Variants in MEF2C observed in about 807,000 individuals in gnomAD.
The protein encoded by MEF2C is myocyte-specific enhancer factor 2C.
A neutral mutation model predicts 50.5 loss-of-function variants in MEF2C; 6 were observed. That is an observed-to-expected ratio of 0.12 (90% CI 0.07 to 0.23). The LOEUF (loss-of-function observed/expected upper bound fraction) is 0.23, where lower values mean the gene tolerates loss of function less well. MEF2C is among the 10% of genes least tolerant of loss of function. The pLI is 1.00. For missense variants in MEF2C, 276 were observed against 605.0 expected, an observed-to-expected ratio of 0.46 and a Z score of 5.70; for synonymous variants, 183 against 228.0, an observed-to-expected ratio of 0.80 and a Z score of 1.78.
chr5:88,829,961 G>A (rs1051042148), intron 1 of MEF2C, among the ~76,000 whole-genome samples: 2 of 151,946 alleles, frequency 1.3e-5, no homozygotes, highest in African/African-American at 4.8e-5. Flanking sequence ...GATTGCTTCC[G>A]TTTGAAGGCA....
chr5:88,852,473 A>G (rs1303593210), intron 1 of MEF2C, among the ~76,000 whole-genome samples: 1 of 152,222 alleles, frequency 6.6e-6, no homozygotes, highest in Non-Finnish European at 1.5e-5. Flanking sequence ...ATCACTTGAA[A>G]TAAGTATACT....
chr5:88,775,364 G>C (rs1224700918), intron 3 of MEF2C, among the ~76,000 whole-genome samples: 1 of 152,082 alleles, frequency 6.6e-6, no homozygotes, highest in Admixed American at 6.5e-5. Flanking sequence ...TAATTGCTCG[G>C]AGAGGACACG....
At chr5:88,735,018 C>T in intron 6 of MEF2C, 1 of 985,380 alleles carries the variant, frequency 1.0e-6, no homozygotes, top group Non-Finnish European at 1.2e-6. Flanking sequence ...ATAACCATTT[C>T]TGTTTCCAGC....
chr5:88,787,151 A>T (rs1791332533), intron 3 of MEF2C, among the ~76,000 whole-genome samples: 1 of 152,206 alleles, frequency 6.6e-6, no homozygotes, highest in Admixed American at 6.5e-5. Context: ...AAAAAAATCA[A>T]TTCGTTGACC....
At chr5:88,892,466 G>C (rs535318211) in intron 1 of MEF2C, among the ~76,000 whole-genome samples, 1 of 152,270 alleles carries the variant, frequency 6.6e-6, no homozygotes, top group African/African-American at 2.4e-5. Context: ...CTAATGCAAA[G>C]AATTTCCACT....
At chr5:88,814,050 T>C (rs1804131180) in intron 2 of MEF2C, among the ~76,000 whole-genome samples, 1 of 152,102 alleles carries the variant, frequency 6.6e-6, no homozygotes, top group Admixed American at 6.6e-5. Context: ...CAATACACTC[T>C]GTAATCCAGG....
chr5:88,734,995 T>C (rs1429742183), intron 6 of MEF2C: 1 of 985,288 alleles, frequency 1.0e-6, no homozygotes, highest in African/African-American at 1.7e-5. Context: ...AGCTAGCATT[T>C]TGGAGCCGTA....
intron 1 of MEF2C, among the ~76,000 whole-genome samples, chr5:88,868,907 G>A (rs1284543238): frequency 6.6e-6 from 1 of 151,900 alleles, no homozygotes; most frequent in Non-Finnish European, 1.5e-5. Flanking sequence ...TGTTCACATC[G>A]TCAAAAAACA....
intron 5 of MEF2C, chr5:88,749,359 C>T (rs1378905340): frequency 2.0e-6 from 2 of 984,430 alleles, no homozygotes; most frequent in Non-Finnish European, 2.4e-6. Context: ...TTAAAAAAAT[C>T]CAGTCTTTGG....
chr5:88,812,505 CTG>C (rs1291227602), intron 2 of MEF2C, among the ~76,000 whole-genome samples: 4 of 152,128 alleles, frequency 2.6e-5, no homozygotes, highest in Non-Finnish European at 5.9e-5. Context: ...GGAGAAAAAA[CTG>C]GACTTGGTCA....
rs147175199 is a variant in MEF2C at position 88,819,425 on chromosome 5, A to G, written c.54+4310T>C. ...ATATCTGGGTCCTGTCTAACATCCAATCTTTTCTCTCATTTCTCTACAGTC... is the reference window on the plus strand; with the variant it reads ...ATATCTGGGTCCTGTCTAACATCCAGTCTTTTCTCTCATTTCTCTACAGTC... On this transcript the variant is annotated intron_variant, in intron 2 of 10. Coordinates refer to ENST00000504921, the MANE Select transcript of MEF2C (RefSeq NM_002397.5). 591 of 972,496 alleles carry G rather than the reference A, an allele frequency of 6.1e-4. 2 individuals are homozygous for G. The African/African-American group carries it at 9.3e-3, about 15-fold the overall frequency. The allele number at this position is 972,496 out of a possible 1,614,324, so 60.2% of individuals were successfully genotyped here.
intron 3 of MEF2C, among the ~76,000 whole-genome samples, chr5:88,792,056 AG>A (rs1468402381): frequency 2.0e-5 from 3 of 152,078 alleles, no homozygotes; most frequent in African/African-American, 7.2e-5. Context: ...AGTAAATCTA[AG>A]AAGGATTTGT....
chr5:88,738,228 C>T, intron 6 of MEF2C: 1 of 985,286 alleles, frequency 1.0e-6, no homozygotes, highest in South Asian at 4.7e-5. Context: ...GAATGAGAGG[C>T]TCTCAGGTAC....
At chr5:88,785,453 A>G (rs765617101) in intron 3 of MEF2C, 34 of 152,170 alleles carry the variant, frequency 2.2e-4, no homozygotes, top group African/African-American at 7.2e-4. Flanking sequence ...AGTGAAAATA[A>G]TAATTTTAAG....
chr5:88,842,354 A>T (rs1452048483), intron 1 of MEF2C, among the ~76,000 whole-genome samples: 1 of 152,154 alleles, frequency 6.6e-6, no homozygotes, highest in Non-Finnish European at 1.5e-5. Flanking sequence ...GAAAGAAAAA[A>T]AATCTAGTAA....
chr5:88,735,060 G>T, intron 6 of MEF2C: 1 of 985,268 alleles, frequency 1.0e-6, no homozygotes, highest in Non-Finnish European at 1.2e-6. Flanking sequence ...ACATAATATA[G>T]ATTCAGGAAT....
At chr5:88,750,183 TATATATATAC>T in intron 5 of MEF2C, 1 of 720,012 alleles carries the variant, frequency 1.4e-6, no homozygotes. Flanking sequence ...AATGTTTGTT[TATATATATAC>T]ATATATATAC....
chr5:88,823,933 G>T lies in MEF2C; in HGVS notation c.-142-3C>A. On this transcript the variant is annotated splice_region_variant and splice_polypyrimidine_tract_variant and intron_variant, in intron 1 of 10. Transcript: ENST00000504921. ...CCAAATTCCTGCATTCGTTCCTGCTGAACAAAAAAGAAAAATTAAATACCA... is the reference window on the plus strand; with the variant it reads ...CCAAATTCCTGCATTCGTTCCTGCTTAACAAAAAAGAAAAATTAAATACCA... The T allele has an allele frequency of 7.0e-7, 1 of 1,430,242 alleles. No homozygotes were observed. Among genetic ancestry groups the T allele is most frequent in the South Asian group, 1.8e-5 (1 of 55,832 alleles). 88.6% of individuals were successfully genotyped at this position (1,430,242 alleles called of 1,614,324 possible).
chr5:88,748,802 G>C, intron 6 of MEF2C: 1 of 985,420 alleles, frequency 1.0e-6, no homozygotes, highest in Non-Finnish European at 1.2e-6. Flanking sequence ...TGGTATCCAG[G>C]ATTAAGTTGA....
Sources: gnomAD v4.1 joint callset for allele counts (sites outside exome capture counted in the v4.1 genomes callset) on GRCh38, gnomAD v4.1.1 for gene constraint, MANE v1.5 for transcripts, NCBI Gene and HGNC (gene_info 2026-07-23, HGNC 2026-07-21) for gene names.